The following PCDHA6 variants were observed in gnomAD, a reference collection of about 807,000 sequenced individuals.
The protein encoded by PCDHA6 is protocadherin alpha 6.
Under a neutral mutation model 60.3 loss-of-function variants are expected in PCDHA6, and 55 were observed. The observed-to-expected ratio is 0.91, with a 90% CI of 0.73 to 1.14. The LOEUF is 1.14. Among genes scored for constraint, PCDHA6 ranks in the 50% most tolerant of loss-of-function variants. PCDHA6 has a pLI of 0.00. For synonymous variants in PCDHA6, 652 were observed against 557.9 expected (o/e 1.17, Z -2.38); for missense variants, 1,327 against 1,256.5 (o/e 1.06, Z -0.85).
chr5:140,830,567 GTTTTTAA>G, intron 1 of PCDHA6, 82 bp downstream of exon 1: 1 of 951,116 alleles, frequency 1.1e-6, no homozygotes, highest in Non-Finnish European at 1.4e-6. Context: ...CTATATTTCT[GTTTTTAA>G]TTTTTAATTA....
At chr5:140,887,494 CT>C (rs1439502451) in intron 1 of PCDHA6, among the ~76,000 whole-genome samples, 1 of 152,128 alleles carries the variant, frequency 6.6e-6, no homozygotes, top group Non-Finnish European at 1.5e-5. Flanking sequence ...TGCATAGTTT[CT>C]AATAAGATGT....
intron 1 of PCDHA6, among the ~76,000 whole-genome samples, chr5:140,963,188 G>A (rs1333064851): frequency 6.6e-6 from 1 of 151,712 alleles, no homozygotes; most frequent in African/African-American, 2.4e-5. Context: ...GCTGTAGACT[G>A]TGAAAATGAA....
Position 140,857,332 on chromosome 5 carries a change from C to T in PCDHA6, c.2394+26847C>T, listed in dbSNP as rs782461373. The stretch of plus-strand genomic sequence containing the variant: ...ATGAGCTGGTGGTGACCGCGCGGGA[C>T]GGGGGCTCGCCTCCGCTGTGGGCCA... On this transcript the variant is annotated intron_variant, in intron 1 of 3. Transcript: ENST00000529310. The T allele has an allele frequency of 1.9e-5, 30 of 1,598,216 alleles. No homozygotes were observed. In the South Asian group the frequency reaches 2.0e-4, roughly 11 times the overall value.
At chr5:140,946,679 CG>C (rs1355438071) in intron 1 of PCDHA6, among the ~76,000 whole-genome samples, 1 of 144,750 alleles carries the variant, frequency 6.9e-6, no homozygotes, top group Non-Finnish European at 1.5e-5. Flanking sequence ...TCCTGTCATT[CG>C]TGACAATATG....
At chr5:140,912,443 G>T (rs1351780500) in intron 1 of PCDHA6, among the ~76,000 whole-genome samples, 3 of 151,748 alleles carry the variant, frequency 2.0e-5, no homozygotes, top group African/African-American at 7.3e-5. Flanking sequence ...TGATTTGTGT[G>T]CATTGATTTT....
At chr5:140,927,946 G>T (rs1341193072) in intron 1 of PCDHA6, 1 of 1,614,096 alleles carries the variant, frequency 6.2e-7, no homozygotes, top group African/African-American at 1.3e-5. Context: ...AGTACCTGAG[G>T]ACGCTGCCCC....
At chr5:140,846,239 T>G (rs1183572722) in intron 1 of PCDHA6, among the ~76,000 whole-genome samples, 1 of 149,652 alleles carries the variant, frequency 6.7e-6, no homozygotes, top group Non-Finnish European at 1.5e-5. Flanking sequence ...TAAAAAGAAG[T>G]ATACAATAAT....
chr5:140,848,428 C>A lies in PCDHA6; in HGVS notation c.2394+17943C>A, dbSNP rs2150410339. 6.6e-5 allele frequency: 95 copies of A among 1,449,944 alleles called. 7 individuals are homozygous for A. The highest frequency in any genetic ancestry group is 8.7e-5 in the Non-Finnish European group (92 of 1,058,798). The allele number at this position is 1,449,944 out of a possible 1,614,324, so 89.8% of individuals were successfully genotyped here. A position where few individuals can be genotyped will look rare whatever the true frequency, so the allele number is the denominator to read the frequency against. On this transcript the variant is annotated intron_variant, in intron 1 of 3. Transcript: ENST00000529310. ...GGCGAACACAGCAGAATGGGACTGA[C>A]GAAATCAGATGATTTCTTCTAATTT...
At position 140,829,714 on chromosome 5, in the gene PCDHA6, C is replaced by T. The variant is rs1316878813; in HGVS notation, c.1623C>T (p.Gly541=). ...LQFQVSARDA[G]VPPLGSNVTL... Reference sequence around the variant, plus strand: ...TTCAGGTGAGCGCGCGCGACGCGGGCGTGCCGCCTCTGGGCAGCAACGTGA... The same window carrying T: ...TTCAGGTGAGCGCGCGCGACGCGGGTGTGCCGCCTCTGGGCAGCAACGTGA... The change falls in exon 1 of 4, where the codon GGC becomes GGT. Residue 541 remains glycine, a synonymous_variant. Transcript: ENST00000529310. The T allele has an allele frequency of 2.0e-5, 33 of 1,613,426 alleles. No homozygotes were observed. Among genetic ancestry groups the T allele is most frequent in the Non-Finnish European group, 2.8e-5 (33 of 1,179,866 alleles).
At chr5:140,928,958 C>T in intron 1 of PCDHA6, 1 of 1,613,930 alleles carries the variant, frequency 6.2e-7, no homozygotes, top group South Asian at 1.1e-5. Flanking sequence ...ATTGCCTTGG[C>T]TTGTATTTCC....
intron 1 of PCDHA6, chr5:140,853,980 G>A: frequency 1.8e-6 from 1 of 544,346 alleles, no homozygotes; most frequent in Non-Finnish European, 2.4e-6. Flanking sequence ...TGAGACCAAT[G>A]TAGTGAGACT....
rs781919488 is a variant in PCDHA6 at position 141,010,129 on chromosome 5, G to T, written c.*192G>T. 1 of 1,601,910 alleles carries T rather than the reference G, an allele frequency of 6.2e-7. No individual in the cohort carries two copies. Among genetic ancestry groups the T allele is most frequent in the East Asian group, 2.2e-5 (1 of 44,578 alleles). ...TGTCGTAAAAGCTTTACTAAGTCTGGTGTTAACTCTTTCTCTCCACTCTGG... is the reference window on the plus strand; with the variant it reads ...TGTCGTAAAAGCTTTACTAAGTCTGTTGTTAACTCTTTCTCTCCACTCTGG... On this transcript the variant is annotated 3_prime_UTR_variant, in exon 4 of 4. Transcript: ENST00000529310.
At chr5:140,897,915 T>C (rs2066399470) in intron 1 of PCDHA6, among the ~76,000 whole-genome samples, 1 of 152,246 alleles carries the variant, frequency 6.6e-6, no homozygotes. Context: ...ATTGTGGTTT[T>C]GATTTGCGTT....
intron 1 of PCDHA6, chr5:140,928,385 T>G: frequency 6.2e-7 from 1 of 1,614,046 alleles, no homozygotes; most frequent in Middle Eastern, 1.7e-4. Flanking sequence ...TCTAGCTTGC[T>G]GGCAGTGGAA....
In PCDHA6 at chr5:140,972,316, G is replaced by GT. The variant is rs112435719; in HGVS notation, c.2395-6621dup. On this transcript the variant is annotated intron_variant, in intron 1 of 3. Coordinates refer to ENST00000529310, the MANE Select transcript of PCDHA6 (RefSeq NM_018909.4). ...CACCGTGTCTGACTAGTTTTTAGGT[G>GT]TTTTTTTTTTTTGGAAGAGATGGGG... 6.7e-3 allele frequency among the ~76,000 whole-genome samples: 929 copies of GT among 139,652 alleles called. 6 individuals carry two copies. The highest frequency in any genetic ancestry group is 0.017 in the African/African-American group (645 of 38,294). The allele number at this position is 139,652 out of a possible 152,430, so 91.6% of individuals were successfully genotyped here.
intron 1 of PCDHA6, chr5:140,861,445 G>T (rs1196401790): frequency 2.0e-6 from 1 of 494,332 alleles, no homozygotes; most frequent in Non-Finnish European, 4.2e-6. Flanking sequence ...AAAAGCCGCA[G>T]AAACCTTCTG....
intron 1 of PCDHA6, among the ~76,000 whole-genome samples, chr5:140,926,146 G>T (rs553563976): frequency 6.6e-5 from 10 of 152,056 alleles, no homozygotes; most frequent in Non-Finnish European, 1.3e-4. Context: ...GATCCAGCGC[G>T]GAAAGCTCTG....
chr5:140,868,148 T>C (rs980442760), intron 1 of PCDHA6: 1 of 152,150 alleles, frequency 6.6e-6, no homozygotes, highest in African/African-American at 2.4e-5. Context: ...ATTGATTCTG[T>C]TACATAAAGT....
At chr5:140,927,827 C>T (rs1554205116) in intron 1 of PCDHA6, 2 of 1,614,100 alleles carry the variant, frequency 1.2e-6, no homozygotes, top group South Asian at 2.2e-5. Flanking sequence ...TACATTGAGG[C>T]GAGGGACGAA....
Sources: gnomAD v4.1 joint callset for allele counts (sites outside exome capture counted in the v4.1 genomes callset) on GRCh38, gnomAD v4.1.1 for gene constraint, MANE v1.5 for transcripts, NCBI Gene and HGNC (gene_info 2026-07-23, HGNC 2026-07-21) for gene names.